Variants in MEGF6 observed in about 807,000 individuals in gnomAD.
MEGF6 encodes the protein multiple epidermal growth factor-like domains protein 6.
In MEGF6, 184 loss-of-function variants were observed where a neutral mutation model predicts 207.1. The observed-to-expected ratio is 0.89, with a 90% CI of 0.79 to 1.00. The LOEUF is 1.00. Ranked by LOEUF, MEGF6 falls within the 50% of genes least tolerant of loss-of-function variation. MEGF6 has a pLI of 0.00. For synonymous variants in MEGF6, 1,038 were observed against 910.0 expected (o/e 1.14, Z -2.53); for missense variants, 2,282 against 2,202.9 (o/e 1.04, Z -0.72).
At chr1:3,598,726 C>A (rs10909983) in intron 2 of MEGF6, among the ~76,000 whole-genome samples, 6 of 111,446 alleles carry the variant, frequency 5.4e-5, no homozygotes, top group Non-Finnish European at 8.4e-5. Flanking sequence ...CCCCCCCCCC[C>A]CCCCCGGGGC....
intron 3 of MEGF6, among the ~76,000 whole-genome samples, chr1:3,593,684 G>A (rs1377639292): frequency 6.6e-6 from 1 of 151,890 alleles, no homozygotes; most frequent in Non-Finnish European, 1.5e-5. Context: ...AAACCCGGGG[G>A]AGCCTTGGCT....
chr1:3,500,758 T>A lies in MEGF6; in HGVS notation c.2582A>T (p.Asp861Val). 1.2e-6 allele frequency: 2 copies of A among 1,605,752 alleles called. No individual in the cohort carries two copies. The highest frequency in any genetic ancestry group is 2.7e-5 in the African/African-American group (2 of 74,892). The change falls in exon 21 of 37, where the codon GAT becomes GTT. Residue 861 changes from aspartate to valine, a missense_variant. Transcript: ENST00000356575. ...WTGFSCQRAC[D>V]TGHWGPDCSH... ...GCAGTCAGGTCCCCAGTGCCCAGTA[T>A]CACAGGCTGCAACAGAACTCAGGGT...
At chr1:3,537,839 T>C (rs1290437786) in intron 4 of MEGF6, among the ~76,000 whole-genome samples, 3 of 152,124 alleles carry the variant, frequency 2.0e-5, no homozygotes, top group Non-Finnish European at 4.4e-5. Context: ...TGCTGGTCCA[T>C]GCACAGGTGG....
rs1641325120 is a variant in MEGF6, at chr1:3,510,972, A to C, written c.1115-70T>G. 3 of 1,544,030 alleles carry C rather than the reference A, an allele frequency of 1.9e-6. No homozygotes were observed. In the Admixed American group the frequency reaches 5.4e-5, roughly 28 times the overall value. On this transcript the variant is annotated intron_variant, in intron 9 of 36. Transcript: ENST00000356575. Reference sequence around the variant, plus strand: ...CGTGCACACGCCCCCACCCACACACAACTGCATACGACCACACACAACCCA... The same window carrying C: ...CGTGCACACGCCCCCACCCACACACCACTGCATACGACCACACACAACCCA...
chr1:3,543,804 C>A (rs996732184), intron 4 of MEGF6, among the ~76,000 whole-genome samples: 1 of 152,202 alleles, frequency 6.6e-6, no homozygotes, highest in African/African-American at 2.4e-5. Context: ...GGATACGGGT[C>A]GAGGCCCGGG....
intron 3 of MEGF6, among the ~76,000 whole-genome samples, chr1:3,591,795 C>T (rs1435241371): frequency 1.0e-5 from 1 of 97,582 alleles, no homozygotes; most frequent in Non-Finnish European, 2.2e-5. Context: ...CACAAGGGAC[C>T]GGATGGGGGC....
At chr1:3,580,409 C>G (rs1643766492) in intron 3 of MEGF6, among the ~76,000 whole-genome samples, 1 of 152,212 alleles carries the variant, frequency 6.6e-6, no homozygotes, top group African/African-American at 2.4e-5. Flanking sequence ...CCAGGCCAGT[C>G]AGACCCCAGG....
upstream of MEGF6, chr1:3,611,546 G>A (rs1382924477): frequency 6.9e-6 from 2 of 289,826 alleles, no homozygotes; most frequent in Non-Finnish European, 6.0e-6. Flanking sequence ...CCACGCCCCC[G>A]GCCCGCCCCC....
rs1644036014 is a variant in MEGF6, at chr1:3,594,970, C to T, written c.376+368G>A. 6.6e-6 allele frequency among the ~76,000 whole-genome samples: 1 copy of T among 151,992 alleles called. No individual in the cohort carries two copies. Among genetic ancestry groups the T allele is most frequent in the African/African-American group, 2.4e-5 (1 of 41,356 alleles). On this transcript the variant is annotated intron_variant, in intron 3 of 36. Coordinates refer to ENST00000356575, the MANE Select transcript of MEGF6 (RefSeq NM_001409.4). The surrounding 1 kb of genome is among the most constrained non-coding windows in gnomAD (Gnocchi z 4.2). ...AGGGCAGGGAGAGGGACTCAGGGAG[C>T]TGGGGGTGAGCGTGGTGTGGCAGGT...
chr1:3,533,382 C>T (rs74460002), intron 4 of MEGF6, among the ~76,000 whole-genome samples: 58 of 152,372 alleles, frequency 3.8e-4, no homozygotes, highest in African/African-American at 1.3e-3. Flanking sequence ...GCCTCTAAAT[C>T]GCACGGATAG....
chr1:3,594,426 C>T lies in MEGF6; in HGVS notation c.376+912G>A, dbSNP rs1370559104. Among the ~76,000 whole-genome samples, 3 of 152,136 alleles carry T rather than the reference C, an allele frequency of 2.0e-5. No homozygotes were observed. Among genetic ancestry groups the T allele is most frequent in the Non-Finnish European group, 2.9e-5 (2 of 68,014 alleles). Reference sequence around the variant, plus strand: ...CCTGGTTGACAGAGTAAGACCTTACCTCTAAAAAATAAACATAAAAAGTAA... The same window carrying T: ...CCTGGTTGACAGAGTAAGACCTTACTTCTAAAAAATAAACATAAAAAGTAA... On this transcript the variant is annotated intron_variant, in intron 3 of 36. Transcript: ENST00000356575. This position sits in a 1 kb window ranked among gnomAD's most constrained non-coding sequence, Gnocchi z 4.2.
Position 3,505,388 on chromosome 1 carries a change from G to GCCGC in MEGF6, c.2053+33_2053+34insGCGG, listed in dbSNP as rs1553192306. 515 of 1,574,264 alleles carry GCCGC rather than the reference G, an allele frequency of 3.3e-4. 9 individuals carry two copies. In the African/African-American group the frequency reaches 7.4e-3, roughly 23 times the overall value. Reference sequence around the variant, plus strand: ...GTGGGTGGGGTTAACCGACCCTGGCGCCCCCCGCCCCCAGACCCCATGCCT... The same window carrying GCCGC: ...GTGGGTGGGGTTAACCGACCCTGGCGCCGCCCCCCCGCCCCCAGACCCCATGCCT... On this transcript the variant is annotated intron_variant, in intron 16 of 36. Coordinates refer to ENST00000356575, the MANE Select transcript of MEGF6 (RefSeq NM_001409.4).
chr1:3,531,495 G>A (rs1642170165), intron 4 of MEGF6: 2 of 1,060,816 alleles, frequency 1.9e-6, no homozygotes, highest in African/African-American at 1.7e-5. Context: ...GCAGACAACC[G>A]AGGGAGCCGC....
intron 5 of MEGF6, among the ~76,000 whole-genome samples, chr1:3,523,860 G>A (rs1024634038): frequency 5.3e-5 from 8 of 152,234 alleles, no homozygotes; most frequent in African/African-American, 9.6e-5. Flanking sequence ...GCATCACAGC[G>A]GGGCTTAGTG....
At chr1:3,603,942 C>T (rs1272499062) in intron 1 of MEGF6, among the ~76,000 whole-genome samples, 3 of 152,210 alleles carry the variant, frequency 2.0e-5, no homozygotes, top group African/African-American at 7.2e-5. Flanking sequence ...TGACTTCAGC[C>T]CACCCCCTTG....
chr1:3,520,522 A>T (rs1293542356), intron 5 of MEGF6, among the ~76,000 whole-genome samples: 1 of 152,072 alleles, frequency 6.6e-6, no homozygotes, highest in East Asian at 1.9e-4. Context: ...GGGCCTCACT[A>T]GGCCCTGCTC....
At chr1:3,568,236 C>T (rs1228887667) in intron 4 of MEGF6, among the ~76,000 whole-genome samples, 1 of 152,246 alleles carries the variant, frequency 6.6e-6, no homozygotes, top group Non-Finnish European at 1.5e-5. Context: ...GCAGGACCTG[C>T]CATGAATGTG....
intron 4 of MEGF6, chr1:3,531,188 C>T: frequency 6.6e-7 from 1 of 1,519,382 alleles, no homozygotes; most frequent in South Asian, 1.2e-5. Context: ...CGCGCCAGGC[C>T]CCCCAGGAGC....
rs1414303875 is a variant in MEGF6, at chr1:3,499,806, G to A, written c.2826C>T (p.Phe942=). 2 of 1,558,252 alleles carry A rather than the reference G, an allele frequency of 1.3e-6. No homozygotes were observed. The highest frequency in any genetic ancestry group is 1.7e-6 in the Non-Finnish European group (2 of 1,151,786). Residue 942 remains phenylalanine, a synonymous_variant, in exon 22 of 37, where the codon TTC becomes TTT. Transcript: ENST00000356575. The stretch of plus-strand genomic sequence containing the variant: ...TGTGCCGTAGCTCACCATGCTCGCA[G>A]AAGGTGCCCCTCCAGCCGGCCGGGC... ...CTCPAGWRGT[F]CEHACPAGFF...
Sources: gnomAD v4.1 joint callset for allele counts (sites outside exome capture counted in the v4.1 genomes callset) on GRCh38, gnomAD v4.1.1 for gene constraint, Gnocchi (gnomAD v3.1) non-coding constraint, MANE v1.5 for transcripts, NCBI Gene and HGNC (gene_info 2026-07-23, HGNC 2026-07-21) for gene names.